EPHX2: variants seen among roughly 807,000 people sequenced by gnomAD.
The protein encoded by EPHX2 is epoxide hydrolase 2.
A neutral mutation model predicts 78.7 loss-of-function variants in EPHX2; 74 were observed. The observed-to-expected ratio is 0.94, with a 90% CI of 0.78 to 1.14. EPHX2 has a LOEUF of 1.14. Ranked by LOEUF, EPHX2 falls within the 50% of genes most tolerant of loss-of-function variation. The pLI is 0.00. For synonymous variants in EPHX2, 251 were observed against 255.2 expected (o/e 0.98, Z 0.16); for missense variants, 715 against 702.5 (o/e 1.02, Z -0.20).
intron 12 of EPHX2, among the ~76,000 whole-genome samples, chr8:27,535,031 C>T (rs1014536545): frequency 7.9e-5 from 12 of 152,194 alleles, no homozygotes; most frequent in African/African-American, 2.9e-4. Flanking sequence ...ACATGCAGAA[C>T]AGTTCAGCTG....
chr8:27,529,941 C>A (rs1378355186), intron 12 of EPHX2, among the ~76,000 whole-genome samples: 1 of 150,890 alleles, frequency 6.6e-6, no homozygotes, highest in Non-Finnish European at 1.5e-5. Flanking sequence ...AAGTATTTAA[C>A]CAGAAGAGAA....
intron 3 of EPHX2, among the ~76,000 whole-genome samples, chr8:27,504,724 A>G (rs1302714211): frequency 2.0e-5 from 3 of 152,160 alleles, no homozygotes; most frequent in Non-Finnish European, 2.9e-5. Flanking sequence ...TAGTTTCTCC[A>G]TCTAGGCTTC....
chr8:27,522,981 A>G (rs1814703113), intron 11 of EPHX2, among the ~76,000 whole-genome samples: 1 of 151,356 alleles, frequency 6.6e-6, no homozygotes, highest in African/African-American at 2.4e-5. Flanking sequence ...AAAAAAAAAA[A>G]AAAAAAGGGC....
In EPHX2 at chr8:27,515,751, T is replaced by G; in HGVS notation, c.769T>G (p.Ser257Ala). ...RVRLHFVELG[S>A]GPAVCLCHGF... Reference sequence around the variant, plus strand: ...CCGTCTGCATTTTGTGGAGCTGGGCTCCGGCCCTGCTGTGTGCCTCTGCCA... The same window carrying G: ...CCGTCTGCATTTTGTGGAGCTGGGCGCCGGCCCTGCTGTGTGCCTCTGCCA... Residue 257 changes from serine to alanine, a missense_variant, in exon 7 of 19, where the codon TCC becomes GCC. Coordinates refer to ENST00000521400, the MANE Select transcript of EPHX2 (RefSeq NM_001979.6). 1 of 1,614,140 alleles carries G rather than the reference T, an allele frequency of 6.2e-7. No individual in the cohort carries two copies. Among genetic ancestry groups the G allele is most frequent in the Non-Finnish European group, 8.5e-7 (1 of 1,180,040 alleles).
At chr8:27,516,558 G>A (rs748001577) in intron 8 of EPHX2, among the ~76,000 whole-genome samples, 160 bp downstream of exon 8, 1 of 151,952 alleles carries the variant, frequency 6.6e-6, no homozygotes, top group Non-Finnish European at 1.5e-5. Flanking sequence ...CTGTGTCTCT[G>A]CACTTTGGGC....
At chr8:27,540,871 A>G (rs1186484261) in intron 15 of EPHX2, among the ~76,000 whole-genome samples, 2 of 152,122 alleles carry the variant, frequency 1.3e-5, no homozygotes, top group Non-Finnish European at 2.9e-5. Context: ...GTTCTTCCTT[A>G]TGCTTATGGG....
At chr8:27,548,539 C>T (rs755075589), downstream of EPHX2, among the ~76,000 whole-genome samples, 2 of 152,210 alleles carry the variant, frequency 1.3e-5, no homozygotes, top group African/African-American at 2.4e-5. Flanking sequence ...CTAAGTAATT[C>T]GTCCTGAAAC....
intron 12 of EPHX2, among the ~76,000 whole-genome samples, chr8:27,525,723 T>C (rs1039082483): frequency 6.6e-6 from 1 of 152,148 alleles, no homozygotes; most frequent in African/African-American, 2.4e-5. Flanking sequence ...ATGGCTTCTC[T>C]GGTGTCTCTG....
chr8:27,517,944 G>A (rs1249043307), intron 8 of EPHX2, 94 bp from the exon 9 acceptor site: 2 of 913,204 alleles, frequency 2.2e-6, no homozygotes, highest in African/African-American at 3.4e-5. Flanking sequence ...GTTGTTGTTT[G>A]GTTTTTGGTT....
At chr8:27,542,171 G>A (rs796098565) in intron 16 of EPHX2, among the ~76,000 whole-genome samples, 3 of 152,302 alleles carry the variant, frequency 2.0e-5, no homozygotes, top group African/African-American at 7.2e-5. Flanking sequence ...CACTCTGTAA[G>A]TGAACACACT....
At chr8:27,522,750 A>G (rs62504296) in intron 11 of EPHX2, among the ~76,000 whole-genome samples, 12,493 of 152,034 alleles carry the variant, frequency 0.082, 532 homozygotes, top group Non-Finnish European at 0.1. Flanking sequence ...ACCTGAGGTC[A>G]GGAGTTTGAG....
chr8:27,527,178 C>T (rs577870281), intron 12 of EPHX2, among the ~76,000 whole-genome samples: 13 of 152,120 alleles, frequency 8.5e-5, no homozygotes, highest in South Asian at 8.3e-4. Flanking sequence ...AGACTGGTCT[C>T]GAACTCCTGA....
chr8:27,528,777 G>A (rs1050007184), intron 12 of EPHX2, among the ~76,000 whole-genome samples: 28 of 152,142 alleles, frequency 1.8e-4, no homozygotes, highest in East Asian at 3.9e-4. Flanking sequence ...GGGTGCACCC[G>A]TCTCCCCCAC....
rs1259489387 is a variant in EPHX2, at chr8:27,515,720, C to T, written c.738C>T (p.Pro246=). The T allele has an allele frequency of 4.3e-6, 7 of 1,613,726 alleles. No individual in the cohort carries two copies. Among genetic ancestry groups the T allele is most frequent in the Non-Finnish European group, 4.2e-6 (5 of 1,179,972 alleles). The stretch of plus-strand genomic sequence containing the variant: ...CCTCTCCTCTTTCCCTTCCACAGCC[C>T]AGGGTCCGTCTGCATTTTGTGGAGC... ...DMSHGYVTVK[P]RVRLHFVELG... The change falls in exon 7 of 19, where the codon CCC becomes CCT. Residue 246 remains proline, a splice_region_variant and synonymous_variant. Coordinates refer to ENST00000521400, the MANE Select transcript of EPHX2 (RefSeq NM_001979.6).
Position 27,491,166 on chromosome 8 carries a change from A to G in EPHX2, c.-43A>G. The stretch of plus-strand genomic sequence containing the variant: ...GCGCCCTGGCCTTCGCGCATCTCCC[A>G]GGTTAGCTGCGTGTCCGGGTGCTAG... On this transcript the variant is annotated 5_prime_UTR_variant, in exon 1 of 19. Coordinates refer to ENST00000521400, the MANE Select transcript of EPHX2 (RefSeq NM_001979.6). The G allele has an allele frequency of 1.3e-6, 2 of 1,530,722 alleles. No individual in the cohort carries two copies. Among genetic ancestry groups the G allele is most frequent in the African/African-American group, 1.4e-5 (1 of 71,870 alleles). The allele number at this position is 1,530,722 out of a possible 1,614,324, so 94.8% of individuals were successfully genotyped here.
At chr8:27,497,393 A>T (rs1312572290) in intron 1 of EPHX2, among the ~76,000 whole-genome samples, 1 of 152,174 alleles carries the variant, frequency 6.6e-6, no homozygotes, top group Non-Finnish European at 1.5e-5. Context: ...CACACTGATA[A>T]CAAGCCCTAC....
intron 12 of EPHX2, among the ~76,000 whole-genome samples, chr8:27,530,882 G>A (rs1197005218): frequency 6.6e-6 from 1 of 150,646 alleles, no homozygotes; most frequent in Non-Finnish European, 1.5e-5. Context: ...TCCTGCCTCA[G>A]CCTCCCAAGT....
chr8:27,522,999 G>A (rs1256055268), intron 11 of EPHX2, among the ~76,000 whole-genome samples: 1 of 146,822 alleles, frequency 6.8e-6, no homozygotes, highest in East Asian at 2.0e-4. Flanking sequence ...GGCCTAATGA[G>A]CTAATGTGTT....
chr8:27,536,180 G>C (rs1350166148), intron 12 of EPHX2, among the ~76,000 whole-genome samples: 1 of 152,136 alleles, frequency 6.6e-6, no homozygotes, highest in Non-Finnish European at 1.5e-5. Flanking sequence ...CCTGTCTGTG[G>C]AATACAATCT....
Sources: gnomAD v4.1 joint callset for allele counts (sites outside exome capture counted in the v4.1 genomes callset) on GRCh38, gnomAD v4.1.1 for gene constraint, MANE v1.5 for transcripts, NCBI Gene and HGNC (gene_info 2026-07-23, HGNC 2026-07-21) for gene names.